Variants in KIAA1549L observed in about 807,000 individuals in gnomAD.
KIAA1549L encodes KIAA1549 like.
KIAA1549L carries 88 observed loss-of-function variants against 160.7 expected under a neutral mutation model. That is an observed-to-expected ratio of 0.55 (90% confidence interval 0.46 to 0.65). KIAA1549L has a LOEUF of 0.65. Among genes scored for constraint, KIAA1549L ranks in the 30% least tolerant of loss-of-function variants. The pLI is 0.00. For missense variants in KIAA1549L, 2,258 were observed against 2,437.5 expected, an observed-to-expected ratio of 0.93 and a Z score of 1.55; for synonymous variants, 950 against 976.7, an observed-to-expected ratio of 0.97 and a Z score of 0.51.
At chr11:33,389,740 G>T (rs1054699625) in intron 1 of KIAA1549L, among the ~76,000 whole-genome samples, 4 of 152,222 alleles carry the variant, frequency 2.6e-5, no homozygotes, top group Non-Finnish European at 5.9e-5. Context: ...AGAGACAACA[G>T]TCTCCAGAGT....
In KIAA1549L at chr11:33,648,124, A is replaced by G. The variant is rs150880055; in HGVS notation, c.5760+2088A>G. On this transcript the variant is annotated intron_variant, in intron 17 of 20. Transcript: ENST00000658780. The stretch of plus-strand genomic sequence containing the variant: ...ATTCTCGTGCCTCAGCCTCCCGAGT[A>G]GCTGGGACTACAGGCGCATACCACC... 5.9e-4 allele frequency among the ~76,000 whole-genome samples: 90 copies of G among 152,068 alleles called. 1 individual carries two copies. The highest frequency in any genetic ancestry group is 2.1e-3 in the African/African-American group (86 of 41,448).
At chr11:33,438,847 GT>G (rs35955927) in intron 1 of KIAA1549L, among the ~76,000 whole-genome samples, 3,117 of 139,538 alleles carry the variant, frequency 0.022, 106 homozygotes, top group East Asian at 0.12. Context: ...GGATTTGAAG[GT>G]TTTTTTTTTT....
chr11:33,411,175 A>G (rs1284230395), intron 1 of KIAA1549L, among the ~76,000 whole-genome samples: 1 of 152,202 alleles, frequency 6.6e-6, no homozygotes, highest in Non-Finnish European at 1.5e-5. Flanking sequence ...GAGGAACACA[A>G]AGCTAGTATA....
intron 1 of KIAA1549L, among the ~76,000 whole-genome samples, chr11:33,537,048 C>T (rs1590319976): frequency 6.6e-6 from 1 of 152,210 alleles, no homozygotes. Flanking sequence ...CCTCTGCAGC[C>T]TTAATCTTGC....
chr11:33,593,495 A>G (rs1207003944), intron 12 of KIAA1549L, among the ~76,000 whole-genome samples: 3 of 152,226 alleles, frequency 2.0e-5, no homozygotes, highest in African/African-American at 7.2e-5. Context: ...CTGTGTGGCA[A>G]ACAGACTGTA....
chr11:33,436,182 TGGAACTGATCCCCCATAGATACTGAG>T lies in KIAA1549L; in HGVS notation c.238+59298_238+59323del, dbSNP rs929310896. Reference sequence around the variant, plus strand: ...GGGATTTTGGTACCTGCAGGGATCCTGGAACTGATCCCCCATAGATACTGAGGGAAGACCATAAAACGTAATATGCA... The same window carrying T: ...GGGATTTTGGTACCTGCAGGGATCCTGGAAGACCATAAAACGTAATATGCA... On this transcript the variant is annotated intron_variant, in intron 1 of 20. Coordinates refer to ENST00000658780, the MANE Select transcript of KIAA1549L (RefSeq NM_012194.3). Among the ~76,000 whole-genome samples the T allele has an allele frequency of 4.6e-5, 7 of 152,052 alleles. No homozygotes were observed. In the East Asian group the frequency reaches 5.8e-4, roughly 13 times the overall value.
intron 13 of KIAA1549L, among the ~76,000 whole-genome samples, chr11:33,606,187 A>G (rs1850495835): frequency 6.6e-6 from 1 of 152,164 alleles, no homozygotes; most frequent in South Asian, 2.1e-4. Context: ...AAGACTTGCT[A>G]CTTTAACATC....
chr11:33,497,429 C>T (rs1231470359), intron 1 of KIAA1549L, among the ~76,000 whole-genome samples: 1 of 152,128 alleles, frequency 6.6e-6, no homozygotes, highest in East Asian at 1.9e-4. Context: ...TAATAAAACT[C>T]GTTTGTCTTG....
chr11:33,630,821 C>G (rs1366024687), intron 16 of KIAA1549L, among the ~76,000 whole-genome samples: 1 of 152,198 alleles, frequency 6.6e-6, no homozygotes, highest in Non-Finnish European at 1.5e-5. Context: ...AAGAGATTTT[C>G]AAGGGCTTTT....
At chr11:33,391,388 G>A (rs1850270321) in intron 1 of KIAA1549L, among the ~76,000 whole-genome samples, 1 of 152,184 alleles carries the variant, frequency 6.6e-6, no homozygotes, top group African/African-American at 2.4e-5. Flanking sequence ...CGGAGTCCAC[G>A]TGGTACCCTA....
At chr11:33,599,174 T>G in intron 13 of KIAA1549L, 1 of 366,604 alleles carries the variant, frequency 2.7e-6, no homozygotes. Flanking sequence ...CCTGTTCTTA[T>G]GAAATGGTGT....
intron 1 of KIAA1549L, among the ~76,000 whole-genome samples, chr11:33,404,747 C>T (rs1277065333): frequency 3.3e-5 from 5 of 151,820 alleles, no homozygotes; most frequent in East Asian, 1.9e-4. Flanking sequence ...CAGTGGCTCA[C>T]GCCTGTATTC....
At chr11:33,480,674 CA>C (rs1852392817) in intron 1 of KIAA1549L, among the ~76,000 whole-genome samples, 1 of 152,166 alleles carries the variant, frequency 6.6e-6, no homozygotes, top group Non-Finnish European at 1.5e-5. Context: ...ATAGACACTG[CA>C]AGAAGCTCAT....
At position 33,543,946 on chromosome 11, in the gene KIAA1549L, G is replaced by T. The variant is rs770686555; in HGVS notation, c.2383G>T (p.Val795Phe). 2.0e-5 allele frequency: 32 copies of T among 1,613,864 alleles called. No individual in the cohort carries two copies. Among genetic ancestry groups the T allele is most frequent in the African/African-American group, 4.0e-5 (3 of 74,918 alleles). ...QPVQQSDMTM[V>F]GSHIDLWPTS... ...TGTGCAACAGTCAGACATGACCATG[G>T]TTGGAAGCCATATAGACCTCTGGCC... Residue 795 changes from valine to phenylalanine, a missense_variant, in exon 2 of 21, where the codon GTT (valine) becomes TTT (phenylalanine). Val to Phe is a conservative substitution (Grantham distance 50). This residue lies in a region of KIAA1549L where 287 missense variants were observed against 292.3 expected (regional missense o/e 0.98). Transcript: ENST00000658780.
chr11:33,379,340 C>T (rs1850026344), intron 1 of KIAA1549L, among the ~76,000 whole-genome samples: 1 of 152,194 alleles, frequency 6.6e-6, no homozygotes, highest in East Asian at 1.9e-4. Context: ...AGAGTTCCTT[C>T]TCTTTTCCAC....
chr11:33,414,994 G>A (rs926598716), intron 1 of KIAA1549L, among the ~76,000 whole-genome samples: 33 of 151,980 alleles, frequency 2.2e-4, no homozygotes, highest in African/African-American at 6.0e-4. Flanking sequence ...TGTCATTTGC[G>A]TTTTAATTTT....
At position 33,518,054 on chromosome 11, in the gene KIAA1549L, G is replaced by A. The variant is rs1285571030; in HGVS notation, c.239-23748G>A. On this transcript the variant is annotated intron_variant, in intron 1 of 20. Transcript: ENST00000658780. ...ACTAGGGAGGCTGAGGCAGATAATT[G>A]CTTGAACCCAGGAGGCAGAGGTTGC... Among the ~76,000 whole-genome samples the A allele has an allele frequency of 2.0e-4, 28 of 141,636 alleles. No individual in the cohort carries two copies. In the Admixed American group the frequency reaches 2.2e-3, roughly 11 times the overall value. 92.9% of individuals were successfully genotyped at this position (141,636 alleles called of 152,430 possible). A position where few individuals can be genotyped will look rare whatever the true frequency, so the allele number is the denominator to read the frequency against.
At chr11:33,403,095 C>A (rs1409047347) in intron 1 of KIAA1549L, 1 of 151,600 alleles carries the variant, frequency 6.6e-6, no homozygotes, top group Non-Finnish European at 1.5e-5. Flanking sequence ...GGTCCATGAA[C>A]CCCTAGGGTA....
At chr11:33,597,426 A>G (rs541300408) in intron 12 of KIAA1549L, among the ~76,000 whole-genome samples, 37 of 152,262 alleles carry the variant, frequency 2.4e-4, no homozygotes, top group African/African-American at 8.9e-4. Flanking sequence ...AGCATCCGGA[A>G]GGATACACAG....
Sources: allele counts gnomAD v4.1 joint callset (sites outside exome capture counted in the v4.1 genomes callset), GRCh38; gene constraint gnomAD v4.1.1; regional missense constraint gnomAD v4.1.1; transcripts MANE v1.5; gene names NCBI Gene and HGNC (gene_info 2026-07-23, HGNC 2026-07-21).